Variants in EMILIN2 observed in about 807,000 individuals in gnomAD.
EMILIN2 encodes EMILIN-2.
In EMILIN2, 71 loss-of-function variants were observed where a neutral mutation model predicts 87.1. That is an observed-to-expected ratio of 0.82 (90% CI 0.67 to 0.99). EMILIN2 has a LOEUF of 0.99. Ranked by LOEUF, EMILIN2 falls within the 50% of genes least tolerant of loss-of-function variation. The pLI is 0.00. For missense variants in EMILIN2, 1,407 were observed against 1,371.8 expected (o/e 1.03, Z -0.40); for synonymous variants, 581 against 563.4 (o/e 1.03, Z -0.44).
chr18:2,858,530 T>TATATACACAC (rs2076639587), intron 2 of EMILIN2, among the ~76,000 whole-genome samples: 1 of 24,214 alleles, frequency 4.1e-5, no homozygotes, highest in Non-Finnish European at 6.5e-5. Context: ...ATCATATATA[T>TATATACACAC]ATATATATAT....
intron 2 of EMILIN2, among the ~76,000 whole-genome samples, chr18:2,883,047 A>G (rs2076784934): frequency 6.6e-6 from 1 of 152,170 alleles, no homozygotes; most frequent in Non-Finnish European, 1.5e-5. Flanking sequence ...TCTACAAAAC[A>G]AAAAACACAA....
In EMILIN2 at chr18:2,899,285, G is replaced by C. The variant is rs113864054; in HGVS notation, c.2359+6799G>C. Among the ~76,000 whole-genome samples, 195 of 152,224 alleles carry C rather than the reference G, an allele frequency of 1.3e-3. 1 individual carries two copies. The highest frequency in any genetic ancestry group is 4.6e-3 in the African/African-American group (190 of 41,514). On this transcript the variant is annotated intron_variant, in intron 4 of 7. Transcript: ENST00000254528. Reference sequence around the variant, plus strand: ...TGTGCCCAAAAAGAAAGAGGAGGTGGGGGGGAGGGAGGACACAGAATGAAC... The same window carrying C: ...TGTGCCCAAAAAGAAAGAGGAGGTGCGGGGGAGGGAGGACACAGAATGAAC...
At chr18:2,856,078 C>G (rs1013763662) in intron 2 of EMILIN2, among the ~76,000 whole-genome samples, 1 of 152,060 alleles carries the variant, frequency 6.6e-6, no homozygotes, top group Non-Finnish European at 1.5e-5. Flanking sequence ...CTAAGATGAA[C>G]TTTAAGTGAA....
chr18:2,852,999 T>C (rs1011860264), intron 2 of EMILIN2, among the ~76,000 whole-genome samples: 5 of 152,142 alleles, frequency 3.3e-5, no homozygotes, highest in African/African-American at 4.8e-5. Flanking sequence ...TGTAAATTCC[T>C]AAGGGTGGCT....
In EMILIN2 at chr18:2,906,771, G is replaced by T; in HGVS notation, c.2360-12G>T. The T allele has an allele frequency of 8.0e-7, 1 of 1,255,988 alleles. No homozygotes were observed. The allele number at this position is 1,255,988 out of a possible 1,614,324, so 77.8% of individuals were successfully genotyped here. On this transcript the variant is annotated splice_polypyrimidine_tract_variant and intron_variant, in intron 4 of 7. Transcript: ENST00000254528. ...TAATCCCGTGTGTTTCTTTCTCCCC[G>T]ACGCCCGGCAGAGGCGCCCTCGCCC...
chr18:2,886,162 CTA>C lies in EMILIN2; in HGVS notation c.433+1027_433+1028del, dbSNP rs1435206926. Among the ~76,000 whole-genome samples the C allele has an allele frequency of 3.3e-5, 5 of 152,102 alleles. No individual in the cohort carries two copies. The East Asian group carries it at 7.7e-4, about 23-fold the overall frequency. On this transcript the variant is annotated intron_variant, in intron 3 of 7. Coordinates refer to ENST00000254528, the MANE Select transcript of EMILIN2 (RefSeq NM_032048.3). ...TATCTCACAAATATTTATTGAACTT[CTA>C]TATCTGTCAGGCTCTATACTGGGTA...
chr18:2,868,174 G>A (rs554577538), intron 2 of EMILIN2, among the ~76,000 whole-genome samples: 5 of 152,226 alleles, frequency 3.3e-5, no homozygotes, highest in Non-Finnish European at 7.4e-5. Context: ...GGGTGGCTGG[G>A]CAGAGACGCT....
intron 2 of EMILIN2, among the ~76,000 whole-genome samples, chr18:2,874,909 T>G (rs1267480380): frequency 6.6e-6 from 1 of 152,256 alleles, no homozygotes; most frequent in African/African-American, 2.4e-5. Flanking sequence ...TAAGAGCTTG[T>G]CAGCATCTGT....
intron 4 of EMILIN2, among the ~76,000 whole-genome samples, chr18:2,893,124 A>G (rs1044655732): frequency 6.6e-5 from 10 of 152,308 alleles, no homozygotes; most frequent in African/African-American, 2.4e-4. Context: ...TCAGTTCACA[A>G]CACATTGAAA....
chr18:2,913,403 A>G lies in EMILIN2; in HGVS notation c.3161A>G (p.Ter1054=). 2 of 1,575,602 alleles carry G rather than the reference A, an allele frequency of 1.3e-6. No individual in the cohort carries two copies. Among genetic ancestry groups the G allele is most frequent in the Admixed American group, 1.8e-5 (1 of 54,584 alleles). ...VFLYPFLSHL[*] ...TTATATCCTTTCCTTTCCCACCTCT[A>G]AGGTGGCTGGGGAGATGTCAGGGGA... The change falls in exon 8 of 8, where the codon TAA becomes TGA. Residue 1054 remains the stop codon, a stop_retained_variant. Transcript: ENST00000254528.
intron 2 of EMILIN2, among the ~76,000 whole-genome samples, chr18:2,858,583 G>GTGTGTGTGTGTGTGTA (rs1180735843): frequency 1.1e-4 from 7 of 63,040 alleles, no homozygotes; most frequent in African/African-American, 6.5e-4. Flanking sequence ...GTGTGTGTGT[G>GTGTGTGTGTGTGTGTA]TATATATATA....
At chr18:2,872,628 T>G (rs1375110223) in intron 2 of EMILIN2, among the ~76,000 whole-genome samples, 1 of 152,242 alleles carries the variant, frequency 6.6e-6, no homozygotes, top group Non-Finnish European at 1.5e-5. Flanking sequence ...TAAATTGTAA[T>G]GTAGATTACT....
In EMILIN2 at chr18:2,908,965, A is replaced by G. The variant is rs768277684; in HGVS notation, c.2685A>G (p.Val895=). The G allele has an allele frequency of 6.2e-7, 1 of 1,613,430 alleles. No homozygotes were observed. Among genetic ancestry groups the G allele is most frequent in the Non-Finnish European group, 8.5e-7 (1 of 1,180,002 alleles). The change falls in exon 6 of 8, where the codon GTA becomes GTG. Residue 895 remains valine, a synonymous_variant. Coordinates refer to ENST00000254528, the MANE Select transcript of EMILIN2 (RefSeq NM_032048.3). Reference sequence around the variant, plus strand: ...CAGGATACCCGAAGTCACCTCCTGTAGCTTCCCCAGGTATGTCTGCTGAGA... The same window carrying G: ...CAGGATACCCGAAGTCACCTCCTGTGGCTTCCCCAGGTATGTCTGCTGAGA... ...GAPGYPKSPP[V]ASPGAPVPSL... is the part of the protein sequence containing the mutation.
intron 4 of EMILIN2, among the ~76,000 whole-genome samples, chr18:2,896,064 A>G (rs1414688988): frequency 1.3e-5 from 2 of 152,190 alleles, no homozygotes; most frequent in Non-Finnish European, 2.9e-5. Context: ...AGGGGAGAAG[A>G]AGGGCCTTCA....
chr18:2,860,331 C>T (rs112309389), intron 2 of EMILIN2, among the ~76,000 whole-genome samples: 13,938 of 152,066 alleles, frequency 0.092, 2,117 homozygotes, highest in African/African-American at 0.32. Context: ...TGGTGTGCTG[C>T]ACCCATTAAC....
intron 2 of EMILIN2, among the ~76,000 whole-genome samples, chr18:2,881,534 T>C (rs2076776711): frequency 6.6e-6 from 1 of 152,234 alleles, no homozygotes; most frequent in Non-Finnish European, 1.5e-5. Context: ...AAGGCCTTTC[T>C]TCCGCTCTGG....
At chr18:2,882,444 C>T (rs900482678) in intron 2 of EMILIN2, among the ~76,000 whole-genome samples, 4 of 152,278 alleles carry the variant, frequency 2.6e-5, no homozygotes, top group East Asian at 1.9e-4. Context: ...AGGCTAAGAA[C>T]CACTGCCCTA....
intron 4 of EMILIN2, among the ~76,000 whole-genome samples, chr18:2,902,609 G>A (rs1005598049): frequency 2.6e-5 from 4 of 152,238 alleles, no homozygotes; most frequent in African/African-American, 9.6e-5. Context: ...GTACCAGTGA[G>A]CATACTGATG....
intron 7 of EMILIN2, among the ~76,000 whole-genome samples, chr18:2,912,325 G>T (rs2076945200): frequency 6.6e-6 from 1 of 152,112 alleles, no homozygotes; most frequent in Non-Finnish European, 1.5e-5. Context: ...ACAGGCGTGA[G>T]CCACCACGCA....
Sources: allele counts gnomAD v4.1 joint callset (sites outside exome capture counted in the v4.1 genomes callset), GRCh38; gene constraint gnomAD v4.1.1; transcripts MANE v1.5; gene names NCBI Gene and HGNC (gene_info 2026-07-23, HGNC 2026-07-21).